GINS4: variants seen among roughly 807,000 people sequenced by gnomAD.
GINS4 encodes the protein DNA replication complex GINS protein SLD5.
GINS4 carries 20 observed loss-of-function variants against 31.1 expected under a neutral mutation model. The observed-to-expected ratio is 0.64, with a 90% CI of 0.45 to 0.93. The LOEUF is 0.93. Ranked by LOEUF, GINS4 falls within the 40% of genes least tolerant of loss-of-function variation. The pLI, the probability that GINS4 is intolerant of heterozygous loss-of-function variation, is 0.00. For missense variants in GINS4, 245 were observed against 273.9 expected (o/e 0.89, Z 0.75); for synonymous variants, 85 against 97.9 (o/e 0.87, Z 0.78).
chr8:41,535,758 T>G (rs1401626318), intron 2 of GINS4, among the ~76,000 whole-genome samples: 1 of 152,342 alleles, frequency 6.6e-6, no homozygotes, highest in East Asian at 1.9e-4. Context: ...GAGTCATAAA[T>G]TAGAGCTTTA....
intron 2 of GINS4, among the ~76,000 whole-genome samples, chr8:41,532,572 C>T (rs1304554565): frequency 2.0e-5 from 3 of 152,070 alleles, no homozygotes; most frequent in Non-Finnish European, 1.5e-5. Context: ...CGGTGGCTCA[C>T]ACCTGTAATC....
At chr8:41,536,987 TG>T (rs2150459453) in intron 3 of GINS4, 192 bp from the exon 4 acceptor site, 1 of 541,246 alleles carries the variant, frequency 1.8e-6, no homozygotes, top group African/African-American at 1.9e-5. Context: ...AGCCTCTGGC[TG>T]AACAGATTCT....
intron 2 of GINS4, among the ~76,000 whole-genome samples, chr8:41,534,775 C>T (rs1336459109): frequency 6.6e-6 from 1 of 151,876 alleles, no homozygotes; most frequent in Non-Finnish European, 1.5e-5. Flanking sequence ...CTCTGTTGCC[C>T]TGGCTGGAGG....
Position 41,542,388 on chromosome 8 carries a change from AAAAAC to A in GINS4, c.*306_*310del. The A allele has an allele frequency of 2.6e-6, 1 of 383,458 alleles. No homozygotes were observed. Among genetic ancestry groups the A allele is most frequent in the Non-Finnish European group, 4.8e-6 (1 of 207,072 alleles). The allele number at this position is 383,458 out of a possible 1,614,324, so 23.8% of individuals were successfully genotyped here. A position where few individuals can be genotyped will look rare whatever the true frequency, so the allele number is the denominator to read the frequency against. On this transcript the variant is annotated 3_prime_UTR_variant, in exon 8 of 8. Transcript: ENST00000276533. ...GACAGTGAGACTTTGTCTCAAAAAA[AAAAAC>A]AAAAAACAAAAAAAAAACAAACTAG...
intron 4 of GINS4, chr8:41,537,526 AC>A (rs1806763282): frequency 2.3e-6 from 1 of 438,408 alleles, no homozygotes; most frequent in Non-Finnish European, 4.1e-6. Context: ...TAGTCTGTTC[AC>A]CTGCCGAGTG....
chr8:41,539,731 G>GGA lies in GINS4; in HGVS notation c.353_354dup (p.Pro119SerfsTer24). The GGA allele has an allele frequency of 6.2e-7, 1 of 1,614,172 alleles. No homozygotes were observed. The highest frequency in any genetic ancestry group is 8.5e-7 in the Non-Finnish European group (1 of 1,180,028). On this transcript the variant is annotated frameshift_variant, in exon 5 of 8. Coordinates refer to ENST00000276533, the MANE Select transcript of GINS4 (RefSeq NM_032336.3). LOFTEE classifies it high-confidence loss of function. The stretch of plus-strand genomic sequence containing the variant: ...AGAAGGAAAAAACACGTCCTGAGGG[G>GGA]GAGCCTTCCAGCCTCTCGCCGGAAG...
At position 41,529,325 on chromosome 8, in the gene GINS4, C is replaced by G. The variant is rs1806616395; in HGVS notation, c.-91C>G. ...GTCTTCCCGCTTCCTGGTGCCCCGA[C>G]TGCGTCCCCACGAACGCCCCGTCCT... On this transcript the variant is annotated 5_prime_UTR_variant, in exon 1 of 8. Coordinates refer to ENST00000276533, the MANE Select transcript of GINS4 (RefSeq NM_032336.3). The G allele has an allele frequency of 6.5e-6, 1 of 152,772 alleles. No homozygotes were observed. Among genetic ancestry groups the G allele is most frequent in the South Asian group, 2.1e-4 (1 of 4,850 alleles). 9.5% of individuals were successfully genotyped at this position (152,772 alleles called of 1,614,324 possible).
chr8:41,536,594 CTA>C, intron 3 of GINS4, 148 bp downstream of exon 3: 1 of 604,874 alleles, frequency 1.7e-6, no homozygotes, highest in Admixed American at 3.0e-5. Context: ...AATTAGTTAT[CTA>C]TGTTTATCAA....
At chr8:41,531,613 C>G (rs1806648858) in intron 2 of GINS4, among the ~76,000 whole-genome samples, 1 of 152,106 alleles carries the variant, frequency 6.6e-6, no homozygotes, top group Non-Finnish European at 1.5e-5. Flanking sequence ...TATCACAGAC[C>G]TTTTTGAGAA....
At position 41,536,444 on chromosome 8, in the gene GINS4, A is replaced by T; in HGVS notation, c.181A>T (p.Met61Leu). 1 of 1,593,538 alleles carries T rather than the reference A, an allele frequency of 6.3e-7. No homozygotes were observed. Among genetic ancestry groups the T allele is most frequent in the East Asian group, 2.2e-5 (1 of 44,792 alleles). Residue 61 changes from methionine to leucine, a missense_variant and splice_region_variant, in exon 3 of 8, where the codon ATG (methionine) becomes TTG (leucine). Met to Leu is a conservative substitution (Grantham distance 15). Coordinates refer to ENST00000276533, the MANE Select transcript of GINS4 (RefSeq NM_032336.3). ...VECVMEQLEH[M>L]EENLRRAKRE... ...ATGTGTCATGGAACAGCTGGAGCAC[A>T]TGGTAAGAGTCGCTTGTCTTGGGTT... is the stretch of plus-strand genomic sequence containing the variant.
chr8:41,540,023 CT>C lies in GINS4; in HGVS notation c.484+20del. 1 of 1,570,282 alleles carries C rather than the reference CT, an allele frequency of 6.4e-7. No individual in the cohort carries two copies. Among genetic ancestry groups the C allele is most frequent in the Non-Finnish European group, 8.8e-7 (1 of 1,139,942 alleles). ...CGGGCAGGTAAACAGGACGTTCTCC[CT>C]GCAGGTGGCCCACCCATCCTCAGGT... On this transcript the variant is annotated intron_variant, in intron 6 of 7. Coordinates refer to ENST00000276533, the MANE Select transcript of GINS4 (RefSeq NM_032336.3).
At position 41,530,246 on chromosome 8, in the gene GINS4, G is replaced by C. The variant is rs1425052360; in HGVS notation, c.44G>C (p.Gly15Ala). 1 of 1,613,994 alleles carries C rather than the reference G, an allele frequency of 6.2e-7. No individual in the cohort carries two copies. The highest frequency in any genetic ancestry group is 1.1e-5 in the South Asian group (1 of 91,074). ...VDFLGQDSDG[G>A]SEEVVLTPAE... ...TTCCTGGGACAGGACTCTGATGGGG[G>C]TAGTGAGGAAGTGGTCCTAACTCCT... The change falls in exon 2 of 8, where the codon GGT becomes GCT. Residue 15 changes from glycine to alanine, a missense_variant. Physicochemically the swap from Gly to Ala is moderately conservative, Grantham distance 60. Coordinates refer to ENST00000276533, the MANE Select transcript of GINS4 (RefSeq NM_032336.3).
chr8:41,535,839 T>C (rs1358672928), intron 2 of GINS4, among the ~76,000 whole-genome samples: 1 of 152,206 alleles, frequency 6.6e-6, no homozygotes, highest in African/African-American at 2.4e-5. Flanking sequence ...TTTGGGGCCA[T>C]TAGTAAATTA....
chr8:41,542,374 T>TCCA lies in GINS4; in HGVS notation c.*287_*288insCCA. The TCCA allele has an allele frequency of 2.6e-6, 1 of 380,056 alleles. No homozygotes were observed. The allele number at this position is 380,056 out of a possible 1,614,324, so 23.5% of individuals were successfully genotyped here. On this transcript the variant is annotated 3_prime_UTR_variant, in exon 8 of 8. Coordinates refer to ENST00000276533, the MANE Select transcript of GINS4 (RefSeq NM_032336.3). ...ACTCCAGCCTGGGTGACAGTGAGAC[T>TCCA]TTGTCTCAAAAAAAAAAACAAAAAA...
intron 1 of GINS4, chr8:41,529,966 AGGGGGAG>A: frequency 6.2e-6 from 3 of 485,660 alleles, no homozygotes; most frequent in South Asian, 2.6e-5. Context: ...GACAGAAGTA[AGGGGGAG>A]GCTTGTTTGA....
intron 4 of GINS4, among the ~76,000 whole-genome samples, chr8:41,539,374 AG>A (rs1297922234): frequency 6.6e-6 from 1 of 151,466 alleles, no homozygotes. Context: ...GACTGTGGCA[AG>A]GGTCTTTCAC....
At position 41,542,285 on chromosome 8, in the gene GINS4, G is replaced by C; in HGVS notation, c.*198G>C. 1.7e-6 allele frequency: 1 copy of C among 583,042 alleles called. No individual in the cohort carries two copies. The highest frequency in any genetic ancestry group is 3.1e-6 in the Non-Finnish European group (1 of 323,714). 36.1% of individuals were successfully genotyped at this position (583,042 alleles called of 1,614,324 possible). A position where few individuals can be genotyped will look rare whatever the true frequency, so the allele number is the denominator to read the frequency against. On this transcript the variant is annotated 3_prime_UTR_variant, in exon 8 of 8. Coordinates refer to ENST00000276533, the MANE Select transcript of GINS4 (RefSeq NM_032336.3). The stretch of plus-strand genomic sequence containing the variant: ...TGTAATCCCAGCTACTCAGGAGGCC[G>C]GGGCAGGAGAATCGCTTGAACCTGG...
intron 4 of GINS4, 51 bp from the exon 5 acceptor site, chr8:41,539,627 C>A: frequency 7.8e-7 from 1 of 1,283,958 alleles, no homozygotes; most frequent in Non-Finnish European, 1.1e-6. Flanking sequence ...CCACATCCTT[C>A]TCTTTGACTT....
Position 41,542,100 on chromosome 8 carries a change from A to C in GINS4, c.*13A>C. On this transcript the variant is annotated 3_prime_UTR_variant, in exon 8 of 8. Transcript: ENST00000276533. ...CCAGCTAATTTAAAACTAGGCATAA[A>C]CAGCCAGGCATGGTGACTCAAGCCT... 6.3e-7 allele frequency: 1 copy of C among 1,596,570 alleles called. No homozygotes were observed. Among genetic ancestry groups the C allele is most frequent in the Non-Finnish European group, 8.6e-7 (1 of 1,164,296 alleles).
Sources: allele counts gnomAD v4.1 joint callset (sites outside exome capture counted in the v4.1 genomes callset), GRCh38; gene constraint gnomAD v4.1.1; transcripts MANE v1.5; gene names NCBI Gene and HGNC (gene_info 2026-07-23, HGNC 2026-07-21).